The following CFAP47 variants were observed in gnomAD, a reference collection of about 807,000 sequenced individuals.
CFAP47 encodes cilia and flagella associated protein 47.
CFAP47 carries 29 observed loss-of-function variants against 148.1 expected under a neutral mutation model. That is an observed-to-expected ratio of 0.20 (90% CI 0.15 to 0.27). The LOEUF (loss-of-function observed/expected upper bound fraction) is 0.27, where lower values mean the gene tolerates loss of function less well. Ranked by LOEUF, CFAP47 falls within the 10% of genes least tolerant of loss-of-function variation. CFAP47 has a pLI of 1.00. For missense variants in CFAP47, 1,872 were observed against 1,697.5 expected (o/e 1.10, Z -1.81); for synonymous variants, 664 against 577.3 (o/e 1.15, Z -2.15).
intron 22 of CFAP47, among the ~76,000 whole-genome samples, chrX:36,026,069 A>G (rs1329093364): frequency 8.9e-6 from 1 of 111,938 alleles, no homozygotes; most frequent in Non-Finnish European, 1.9e-5. Context: ...ACGCATTTAC[A>G]GATATTTTTG....
rs781928157 is a variant in CFAP47, at chrX:36,352,926, A to T, written c.8699-603A>T. Among the ~76,000 whole-genome samples, 319 of 110,073 alleles carry T rather than the reference A, an allele frequency of 2.9e-3. 1 individual carries two copies. Among genetic ancestry groups the T allele is most frequent in the African/African-American group, 9.6e-3 (295 of 30,637 alleles). On this transcript the variant is annotated intron_variant, in intron 59 of 63. Coordinates refer to ENST00000378653, the MANE Select transcript of CFAP47 (RefSeq NM_001304548.2). ...TTTAAATCATTACAATTTTACTTTT[A>T]TGTGTTTAAAAGGTAATTTTTATAA... is the stretch of plus-strand genomic sequence containing the variant.
At chrX:36,000,194 T>C in intron 19 of CFAP47, 89 bp from the exon 20 acceptor site, 1 of 265,100 alleles carries the variant, frequency 3.8e-6, no homozygotes, top group South Asian at 2.4e-4. Flanking sequence ...TAGTTAATAA[T>C]TTCCTTGATA....
chrX:35,989,547 A>T, intron 16 of CFAP47, 98 bp downstream of exon 16: 1 of 1,201,205 alleles, frequency 8.3e-7, no homozygotes, highest in Non-Finnish European at 1.1e-6. Flanking sequence ...AATTAACTGT[A>T]AAACCCAAGA....
intron 48 of CFAP47, among the ~76,000 whole-genome samples, chrX:36,243,667 A>G (rs1165182186): frequency 4.2e-5 from 3 of 71,594 alleles, no homozygotes; most frequent in South Asian, 5.5e-4. Flanking sequence ...ATATATATAT[A>G]TATATATATA....
At chrX:36,172,809 C>A (rs1435137363) in intron 39 of CFAP47, among the ~76,000 whole-genome samples, 3 of 111,724 alleles carry the variant, frequency 2.7e-5, no homozygotes, top group African/African-American at 9.8e-5. Flanking sequence ...TGATGCTGGC[C>A]TCATAAAATG....
intron 49 of CFAP47, among the ~76,000 whole-genome samples, chrX:36,275,175 C>T (rs1556002467): frequency 6.3e-5 from 7 of 110,541 alleles, no homozygotes; most frequent in African/African-American, 2.3e-4. Flanking sequence ...CAACCTTCAC[C>T]TCCCAGGCTC....
chrX:36,174,367 C>T (rs1213606210), intron 39 of CFAP47, among the ~76,000 whole-genome samples: 2 of 108,777 alleles, frequency 1.8e-5, no homozygotes, highest in Admixed American at 2.0e-4. Context: ...TTATTTTGCT[C>T]GTTAGTTGAT....
At position 36,267,736 on chromosome X, in the gene CFAP47, C is replaced by T. The variant is rs1940911175; in HGVS notation, c.7445-12751C>T. ...CTCATGATCCACCCGCCTTGGCCTC[C>T]CAAAGTGCTGGGATTACAGGCGTGA... On this transcript the variant is annotated intron_variant, in intron 49 of 63. Coordinates refer to ENST00000378653, the MANE Select transcript of CFAP47 (RefSeq NM_001304548.2). Among the ~76,000 whole-genome samples the T allele has an allele frequency of 3.6e-5, 4 of 111,629 alleles. No homozygotes were observed. In the Admixed American group the frequency reaches 3.8e-4, roughly 11 times the overall value.
Position 35,981,568 on chromosome X carries a change from T to C in CFAP47, c.2713+5655T>C, listed in dbSNP as rs375690106. Among the ~76,000 whole-genome samples, 6 of 110,654 alleles carry C rather than the reference T, an allele frequency of 5.4e-5. No homozygotes were observed. In the East Asian group the frequency reaches 1.1e-3, roughly 21 times the overall value. On this transcript the variant is annotated intron_variant, in intron 15 of 63. Transcript: ENST00000378653. ...TTAGGTTCAGGGGTACATGTGCAGG[T>C]TTGTTACATAGGAAAATCTGCCTGT...
At position 36,073,389 on chromosome X, in the gene CFAP47, T is replaced by C. The variant is rs770463401; in HGVS notation, c.4691+25T>C. The stretch of plus-strand genomic sequence containing the variant: ...GGTGAGAGTCCCATGTTTCTCTAAA[T>C]TCTTTGCTTCATATCACATCATAAA... On this transcript the variant is annotated intron_variant, in intron 29 of 63. Transcript: ENST00000378653. 7 of 998,304 alleles carry C rather than the reference T, an allele frequency of 7.0e-6. No homozygotes were observed. The African/African-American group carries it at 1.3e-4, about 19-fold the overall frequency. The allele number at this position is 998,304 out of a possible 1,213,427, so 82.3% of individuals were successfully genotyped here. A position where few individuals can be genotyped will look rare whatever the true frequency, so the allele number is the denominator to read the frequency against.
At chrX:36,027,537 G>A (rs769797596) in intron 22 of CFAP47, among the ~76,000 whole-genome samples, 6 of 110,667 alleles carry the variant, frequency 5.4e-5, no homozygotes, top group Non-Finnish European at 9.5e-5. Flanking sequence ...TTATGGCTGA[G>A]TACTATTCCA....
chrX:36,016,662 T>C (rs763105193), intron 22 of CFAP47, among the ~76,000 whole-genome samples: 1 of 108,890 alleles, frequency 9.2e-6, no homozygotes, highest in East Asian at 2.9e-4. Context: ...TTCTTTTGGG[T>C]ATATGCCCAA....
chrX:36,349,211 T>C (rs1156838873), intron 58 of CFAP47, among the ~76,000 whole-genome samples: 5 of 112,020 alleles, frequency 4.5e-5, no homozygotes, highest in Admixed American at 2.9e-4. Flanking sequence ...TGTCTTGTCT[T>C]TCATTTTAAT....
intron 47 of CFAP47, among the ~76,000 whole-genome samples, chrX:36,236,422 G>A (rs1219570038): frequency 8.9e-6 from 1 of 112,010 alleles, no homozygotes; most frequent in Non-Finnish European, 1.9e-5. Context: ...CATGGAAGTA[G>A]ACATGCATAT....
In CFAP47 at chrX:35,941,344, A is replaced by T; in HGVS notation, c.463A>T (p.Asn155Tyr). The T allele has an allele frequency of 8.5e-7, 1 of 1,174,636 alleles. No homozygotes were observed. Among genetic ancestry groups the T allele is most frequent in the Non-Finnish European group, 1.1e-6 (1 of 875,989 alleles). ...SVVNFGTLVA[N>Y]SKVYSKEITI... ...AGTTAATTTTGGCACACTGGTTGCCAATAGTAAAGTATATTCTAAAGAGAT... is the reference window on the plus strand; with the variant it reads ...AGTTAATTTTGGCACACTGGTTGCCTATAGTAAAGTATATTCTAAAGAGAT... Residue 155 changes from asparagine (N) to tyrosine (Y), a missense_variant, in exon 3 of 64, where the codon AAT becomes TAT. By Grantham distance (143) the Asn-to-Tyr change is moderately radical. Coordinates refer to ENST00000378653, the MANE Select transcript of CFAP47 (RefSeq NM_001304548.2).
At chrX:36,060,250 A>G (rs1444674229) in intron 26 of CFAP47, among the ~76,000 whole-genome samples, 1 of 111,946 alleles carries the variant, frequency 8.9e-6, no homozygotes, top group Non-Finnish European at 1.9e-5. Context: ...ATTTCTAAGT[A>G]TAAACATTTT....
intron 48 of CFAP47, among the ~76,000 whole-genome samples, chrX:36,240,505 G>T (rs1299593197): frequency 9.0e-6 from 1 of 111,296 alleles, no homozygotes; most frequent in Non-Finnish European, 1.9e-5. Flanking sequence ...TAATTATACA[G>T]CCTCAACAGT....
chrX:36,246,720 A>G (rs1940620396), intron 48 of CFAP47, among the ~76,000 whole-genome samples: 1 of 111,365 alleles, frequency 9.0e-6, no homozygotes, highest in African/African-American at 3.3e-5. Context: ...ACACAGCAAA[A>G]CCATATCACC....
chrX:36,231,838 G>T (rs1237156408), intron 46 of CFAP47, among the ~76,000 whole-genome samples: 2 of 111,489 alleles, frequency 1.8e-5, no homozygotes, highest in Non-Finnish European at 3.8e-5. Flanking sequence ...GTTGAATTTT[G>T]TCAAAGGCCT....
Sources: allele counts gnomAD v4.1 joint callset (sites outside exome capture counted in the v4.1 genomes callset), GRCh38; gene constraint gnomAD v4.1.1; transcripts MANE v1.5; gene names NCBI Gene and HGNC (gene_info 2026-07-23, HGNC 2026-07-21).